The following TCEA2 variants were observed in gnomAD, a reference collection of about 807,000 sequenced individuals.
TCEA2 encodes the protein transcription elongation factor A protein 2.
In TCEA2, 21 loss-of-function variants were observed where a neutral mutation model predicts 40.8. That is an observed-to-expected ratio of 0.51 (90% CI 0.36 to 0.74). TCEA2 has a LOEUF of 0.74. Ranked by LOEUF, TCEA2 falls within the 30% of genes least tolerant of loss-of-function variation. The pLI is 0.00. For synonymous variants in TCEA2, 165 were observed against 162.7 expected (o/e 1.01, Z -0.11); for missense variants, 326 against 426.5 (o/e 0.76, Z 2.08).
At chr20:64,066,740 C>T (rs2059702876) in intron 2 of TCEA2, among the ~76,000 whole-genome samples, 175 bp from the exon 3 acceptor site, 1 of 152,230 alleles carries the variant, frequency 6.6e-6, no homozygotes, top group Middle Eastern at 3.2e-3. Flanking sequence ...CCCATCTTGT[C>T]CTCCGTGGCT....
chr20:64,068,957 G>A (rs1159489989), intron 4 of TCEA2, among the ~76,000 whole-genome samples: 1 of 152,234 alleles, frequency 6.6e-6, no homozygotes, highest in Non-Finnish European at 1.5e-5. Context: ...CCCTCTCCCT[G>A]ACCAGGCAGC....
At chr20:64,061,397 T>C (rs900281257), upstream of TCEA2, among the ~76,000 whole-genome samples, 3 of 152,184 alleles carry the variant, frequency 2.0e-5, no homozygotes, top group Admixed American at 6.5e-5. Flanking sequence ...TGCCTCAGCC[T>C]GCGGAGTAGC....
At chr20:64,069,586 G>T in intron 5 of TCEA2, 95 bp downstream of exon 5, 1 of 1,557,872 alleles carries the variant, frequency 6.4e-7, no homozygotes. Flanking sequence ...CCAGCGGGGT[G>T]ACTGTCCTCC....
chr20:64,062,300 T>A (rs1485957953), upstream of TCEA2: 1 of 152,346 alleles, frequency 6.6e-6, no homozygotes, highest in Non-Finnish European at 1.5e-5. Context: ...CCTGCACCTG[T>A]CCCCGTCCTC....
At chr20:64,059,936 C>T (rs569309492), upstream of TCEA2, among the ~76,000 whole-genome samples, 4 of 152,240 alleles carry the variant, frequency 2.6e-5, no homozygotes, top group Admixed American at 1.3e-4. Context: ...AGGTGGGGAG[C>T]GGCCTCACTG....
At chr20:64,059,518 C>T (rs2059523705), upstream of TCEA2, among the ~76,000 whole-genome samples, 1 of 152,154 alleles carries the variant, frequency 6.6e-6, no homozygotes, top group South Asian at 2.1e-4. Flanking sequence ...AAAAGAAACT[C>T]CCAGCCCTTC....
intron 1 of TCEA2, chr20:64,064,135 G>T (rs1023079426): frequency 6.6e-6 from 1 of 152,290 alleles, no homozygotes; most frequent in Non-Finnish European, 1.5e-5. Flanking sequence ...CCAGGACTTA[G>T]CCCGCAGCAA....
At chr20:64,061,698 A>T (rs966940930), upstream of TCEA2, among the ~76,000 whole-genome samples, 6 of 152,000 alleles carry the variant, frequency 3.9e-5, no homozygotes, top group African/African-American at 1.2e-4. Context: ...GGGGTGAGCT[A>T]CTGTGCCCAA....
chr20:64,068,842 G>A (rs560430297), intron 4 of TCEA2, among the ~76,000 whole-genome samples: 2 of 152,366 alleles, frequency 1.3e-5, no homozygotes, highest in South Asian at 4.1e-4. Flanking sequence ...GCCCTGAGGG[G>A]CATCCTTCTC....
At chr20:64,060,941 C>T (rs1038796063), upstream of TCEA2, among the ~76,000 whole-genome samples, 22 of 151,826 alleles carry the variant, frequency 1.4e-4, no homozygotes, top group African/African-American at 4.6e-4. Context: ...AGGCGCATGC[C>T]GCCATGCCCG....
At chr20:64,067,990 T>G (rs1206599233) in intron 3 of TCEA2, 57 bp from the exon 4 acceptor site, 1 of 1,369,220 alleles carries the variant, frequency 7.3e-7, no homozygotes, top group Non-Finnish European at 1.0e-6. Context: ...GGTGGTGGTC[T>G]GTGCCCCTCC....
upstream of TCEA2, among the ~76,000 whole-genome samples, chr20:64,059,478 C>T (rs1346629820): frequency 2.6e-5 from 4 of 152,180 alleles, no homozygotes; most frequent in Non-Finnish European, 5.9e-5. Context: ...CCCTCTCCCT[C>T]CCAACTCTGG....
At chr20:64,066,428 T>A in intron 1 of TCEA2, 48 bp from the exon 2 acceptor site, 1 of 1,595,432 alleles carries the variant, frequency 6.3e-7, no homozygotes. Flanking sequence ...GGTGATATTG[T>A]CTGTTGAGAT....
chr20:64,063,451 C>T, intron 1 of TCEA2, 67 bp downstream of exon 1: 3 of 1,513,416 alleles, frequency 2.0e-6, no homozygotes, highest in Non-Finnish European at 2.7e-6. Context: ...AGCCCGCCGA[C>T]CCCCGTTAGG....
chr20:64,055,800 A>G (rs2059467589), upstream of TCEA2, among the ~76,000 whole-genome samples: 1 of 151,804 alleles, frequency 6.6e-6, no homozygotes, highest in African/African-American at 2.4e-5. The surrounding 1 kb of genome is among the most constrained non-coding windows in gnomAD (Gnocchi z 4.0). Flanking sequence ...CCGCGGCGGG[A>G]GCCTGGCCAA....
upstream of TCEA2, among the ~76,000 whole-genome samples, chr20:64,060,312 C>T (rs758232516): frequency 7.9e-5 from 12 of 152,204 alleles, no homozygotes; most frequent in Non-Finnish European, 1.8e-4. Context: ...CACACTCGGC[C>T]GTTGGAGAAG....
chr20:64,059,489 G>T (rs2059523300), upstream of TCEA2, among the ~76,000 whole-genome samples: 1 of 152,098 alleles, frequency 6.6e-6, no homozygotes, highest in Admixed American at 6.5e-5. Context: ...CCAACTCTGG[G>T]ACACTCTCTG....
chr20:64,063,429 G>T (rs1674899538), intron 1 of TCEA2, 45 bp downstream of exon 1: 2 of 1,537,458 alleles, frequency 1.3e-6, no homozygotes, highest in African/African-American at 1.4e-5. Context: ...CCGCCCCGCC[G>T]AGACCCCGTC....
intron 1 of TCEA2, chr20:64,065,751 A>G (rs1228759482): frequency 1.3e-5 from 2 of 152,594 alleles, no homozygotes; most frequent in South Asian, 2.1e-4. Context: ...AACGAGGTGC[A>G]TTGGAACAGT....
Sources: allele counts gnomAD v4.1 joint callset (sites outside exome capture counted in the v4.1 genomes callset), GRCh38; gene constraint gnomAD v4.1.1; non-coding constraint Gnocchi (gnomAD v3.1); transcripts MANE v1.5; gene names NCBI Gene and HGNC (gene_info 2026-07-23, HGNC 2026-07-21).